The following NUDT9 variants were observed in gnomAD, a reference collection of about 807,000 sequenced individuals.
NUDT9 encodes ADP-ribose pyrophosphatase.
Under a neutral mutation model 41.0 loss-of-function variants are expected in NUDT9, and 31 were observed. That is an observed-to-expected ratio of 0.76 (90% CI 0.57 to 1.02). The LOEUF is 1.02. NUDT9 is among the 50% of genes least tolerant of loss of function. The pLI, the probability that NUDT9 is intolerant of heterozygous loss-of-function variation, is 0.00. For synonymous variants in NUDT9, 146 were observed against 147.6 expected, an observed-to-expected ratio of 0.99 and a Z score of 0.08; for missense variants, 380 against 431.4, an observed-to-expected ratio of 0.88 and a Z score of 1.06.
chr4:87,448,092 A>G (rs969922354), intron 4 of NUDT9, among the ~76,000 whole-genome samples: 12 of 151,132 alleles, frequency 7.9e-5, no homozygotes, highest in African/African-American at 2.7e-4. Flanking sequence ...AAACTGGGTC[A>G]TATAATCTGC....
intron 2 of NUDT9, among the ~76,000 whole-genome samples, chr4:87,435,869 A>T (rs547643902): frequency 6.6e-6 from 1 of 152,260 alleles, no homozygotes; most frequent in Non-Finnish European, 1.5e-5. Flanking sequence ...TGACATACAT[A>T]TACATTGTGA....
chr4:87,457,314 C>T, intron 7 of NUDT9, among the ~76,000 whole-genome samples: 1 of 145,956 alleles, frequency 6.9e-6, no homozygotes, highest in Non-Finnish European at 1.5e-5. Flanking sequence ...TGGCTCACTG[C>T]AACCTCCACC....
At chr4:87,450,738 G>A (rs185779459) in intron 5 of NUDT9, among the ~76,000 whole-genome samples, 5 of 152,158 alleles carry the variant, frequency 3.3e-5, no homozygotes, top group Non-Finnish European at 7.4e-5. Context: ...AAGCAATAAC[G>A]TAATAATGAT....
chr4:87,429,099 G>A (rs1286899299), intron 1 of NUDT9, among the ~76,000 whole-genome samples: 1 of 152,120 alleles, frequency 6.6e-6, no homozygotes, highest in African/African-American at 2.4e-5. Context: ...GGGACCAGGA[G>A]GAAGTCTAGG....
chr4:87,428,914 T>A (rs1721552318), intron 1 of NUDT9, among the ~76,000 whole-genome samples: 1 of 152,172 alleles, frequency 6.6e-6, no homozygotes, highest in African/African-American at 2.4e-5. Flanking sequence ...CCCAAAGTCC[T>A]GTAGTTTATA....
chr4:87,443,654 T>C (rs919684644), intron 4 of NUDT9, among the ~76,000 whole-genome samples: 4 of 152,146 alleles, frequency 2.6e-5, no homozygotes, highest in Non-Finnish European at 5.9e-5. Context: ...GGTAAACTAG[T>C]GCACCCAAGA....
chr4:87,425,294 G>A (rs1721358668), intron 1 of NUDT9, among the ~76,000 whole-genome samples: 1 of 151,960 alleles, frequency 6.6e-6, no homozygotes, highest in Non-Finnish European at 1.5e-5. Context: ...GATTGCTTGA[G>A]CTCAGGAGTT....
At position 87,458,623 on chromosome 4, in the gene NUDT9, A is replaced by T. The variant is rs1414792772; in HGVS notation, c.*602A>T. On this transcript the variant is annotated 3_prime_UTR_variant, in exon 8 of 8. Transcript: ENST00000302174. ...AAATTTCAGCCACTAGTCAATAGAG[A>T]TCAAAATCAGTGAACAAGAGCTGAT... The T allele has an allele frequency of 6.6e-6, 1 of 152,242 alleles. No individual in the cohort carries two copies. The highest frequency in any genetic ancestry group is 6.5e-5 in the Admixed American group (1 of 15,284). 9.4% of individuals were successfully genotyped at this position (152,242 alleles called of 1,614,324 possible).
At chr4:87,448,507 G>A (rs143914339) in intron 4 of NUDT9, among the ~76,000 whole-genome samples, 23 of 151,468 alleles carry the variant, frequency 1.5e-4, no homozygotes, top group African/African-American at 3.9e-4. Context: ...TTTTAGATAG[G>A]CCCTCTCTCT....
chr4:87,455,796 G>A (rs1722963157), intron 7 of NUDT9, among the ~76,000 whole-genome samples: 1 of 151,624 alleles, frequency 6.6e-6, no homozygotes, highest in Non-Finnish European at 1.5e-5. Context: ...CAAGTAGCTG[G>A]TACTACAGGC....
chr4:87,425,880 TCACTGCA>T (rs1721394601), intron 1 of NUDT9, among the ~76,000 whole-genome samples: 1 of 152,182 alleles, frequency 6.6e-6, no homozygotes, highest in South Asian at 2.1e-4. Flanking sequence ...TGATCATGAC[TCACTGCA>T]GTCTCAACCT....
At chr4:87,425,954 G>C (rs760975072) in intron 1 of NUDT9, among the ~76,000 whole-genome samples, 3 of 151,750 alleles carry the variant, frequency 2.0e-5, no homozygotes, top group Admixed American at 2.0e-4. Context: ...CTACCGGTGC[G>C]CACTACCAGG....
chr4:87,433,069 T>C (rs1721759084), intron 1 of NUDT9, among the ~76,000 whole-genome samples: 1 of 152,220 alleles, frequency 6.6e-6, no homozygotes, highest in Non-Finnish European at 1.5e-5. Context: ...TGAGGGAATA[T>C]TGGTGTTGAT....
At chr4:87,449,062 C>A in intron 4 of NUDT9, 80 bp from the exon 5 acceptor site, 1 of 782,214 alleles carries the variant, frequency 1.3e-6, no homozygotes, top group Non-Finnish European at 2.2e-6. Flanking sequence ...AGAAAAAGTC[C>A]TTGTAACTTT....
At chr4:87,436,417 C>T (rs1405015239) in intron 2 of NUDT9, among the ~76,000 whole-genome samples, 4 of 152,128 alleles carry the variant, frequency 2.6e-5, no homozygotes, top group Non-Finnish European at 4.4e-5. Context: ...CTCAAGTGAT[C>T]CTCCCACTTC....
In NUDT9 at chr4:87,457,878, G is replaced by A; in HGVS notation, c.910G>A (p.Asp304Asn). ...GGATAATCTTATGCTAGAAGCTGGA[G>A]ATGATGCTGGAAAAGTGAAATGGGT... Reference protein sequence around the residue: ...IMDNLMLEAGDDAGKVKWVDI... With the variant: ...IMDNLMLEAGNDAGKVKWVDI... Residue 304 changes from aspartate to asparagine, a missense_variant, in exon 8 of 8, where the codon GAT (aspartate) becomes AAT (asparagine). Asp to Asn is a conservative substitution (Grantham distance 23). Transcript: ENST00000302174. 6 of 1,611,408 alleles carry A rather than the reference G, an allele frequency of 3.7e-6. No homozygotes were observed. Among genetic ancestry groups the A allele is most frequent in the Non-Finnish European group, 5.1e-6 (6 of 1,178,958 alleles).
chr4:87,451,504 A>T (rs1578079601), intron 5 of NUDT9, 85 bp from the exon 6 acceptor site: 1 of 1,056,736 alleles, frequency 9.5e-7, no homozygotes, highest in African/African-American at 1.6e-5. Context: ...ATTGAATAAT[A>T]AATGTTCACT....
intron 3 of NUDT9, among the ~76,000 whole-genome samples, chr4:87,440,587 C>T (rs1257852613): frequency 6.6e-6 from 1 of 152,164 alleles, no homozygotes; most frequent in Non-Finnish European, 1.5e-5. Context: ...GTGGCTCACG[C>T]CTGTAATCCC....
intron 1 of NUDT9, among the ~76,000 whole-genome samples, chr4:87,432,789 A>G (rs1010289420): frequency 2.0e-5 from 3 of 149,880 alleles, no homozygotes; most frequent in Non-Finnish European, 4.4e-5. Flanking sequence ...TTATTTTGTT[A>G]ATGTGATACA....
Sources: gnomAD v4.1 joint callset for allele counts (sites outside exome capture counted in the v4.1 genomes callset) on GRCh38, gnomAD v4.1.1 for gene constraint, MANE v1.5 for transcripts, NCBI Gene and HGNC (gene_info 2026-07-23, HGNC 2026-07-21) for gene names.